NKAIN2: variants seen among roughly 807,000 people sequenced by gnomAD.
The protein encoded by NKAIN2 is sodium/potassium transporting ATPase interacting 2.
Under a neutral mutation model 32.6 loss-of-function variants are expected in NKAIN2, and 14 were observed. The observed-to-expected ratio is 0.43, with a 90% CI of 0.28 to 0.67. NKAIN2 has a LOEUF of 0.67. Among genes scored for constraint, NKAIN2 ranks in the 30% least tolerant of loss-of-function variants. The pLI is 0.17. For synonymous variants in NKAIN2, 80 were observed against 87.2 expected (o/e 0.92, Z 0.46); for missense variants, 198 against 258.3 (o/e 0.77, Z 1.60).
At chr6:124,582,484 G>A (rs1274641826) in intron 3 of NKAIN2, among the ~76,000 whole-genome samples, 1 of 152,048 alleles carries the variant, frequency 6.6e-6, no homozygotes, top group Non-Finnish European at 1.5e-5. Context: ...TCCCAGCAAT[G>A]AAAAGCTCAG....
chr6:124,435,497 C>T (rs529880149), intron 3 of NKAIN2, among the ~76,000 whole-genome samples: 1 of 152,218 alleles, frequency 6.6e-6, no homozygotes, highest in East Asian at 1.9e-4. Flanking sequence ...TCACAACAAT[C>T]CTATGATGCT....
chr6:123,873,384 G>A (rs1319565701), intron 1 of NKAIN2, among the ~76,000 whole-genome samples: 7 of 152,108 alleles, frequency 4.6e-5, no homozygotes, highest in Non-Finnish European at 8.8e-5. Flanking sequence ...GAAAAGATGA[G>A]GTTCAAAGTT....
At chr6:123,845,892 A>G (rs531026622) in intron 1 of NKAIN2, among the ~76,000 whole-genome samples, 1 of 152,204 alleles carries the variant, frequency 6.6e-6, no homozygotes, top group African/African-American at 2.4e-5. Context: ...TCTATTATTC[A>G]TCTAACATAT....
Position 124,742,866 on chromosome 6 carries a change from A to T in NKAIN2, c.475-48473A>T, listed in dbSNP as rs182543839. 4.8e-4 allele frequency among the ~76,000 whole-genome samples: 73 copies of T among 151,984 alleles called. 1 individual carries two copies. Among genetic ancestry groups the T allele is most frequent in the Admixed American group, 3.2e-3 (49 of 15,236 alleles). ...GTTCAGATTTTAAAATCACAGGGCA[A>T]TTACTTTTTGTAAAGATGATGGAGA... is the stretch of plus-strand genomic sequence containing the variant. On this transcript the variant is annotated intron_variant, in intron 4 of 6. Transcript: ENST00000368417.
intron 1 of NKAIN2, among the ~76,000 whole-genome samples, chr6:123,919,827 A>G (rs953406110): frequency 6.6e-6 from 1 of 152,140 alleles, no homozygotes; most frequent in African/African-American, 2.4e-5. Flanking sequence ...TATGTTCTGA[A>G]GCCATGATAT....
At chr6:123,934,371 TATC>T (rs1367170479) in intron 1 of NKAIN2, among the ~76,000 whole-genome samples, 1 of 152,146 alleles carries the variant, frequency 6.6e-6, no homozygotes, top group African/African-American at 2.4e-5. Context: ...GGAATTATGC[TATC>T]ATTTCTCTTA....
chr6:124,725,363 C>G (rs1776223002), intron 4 of NKAIN2, among the ~76,000 whole-genome samples: 1 of 152,120 alleles, frequency 6.6e-6, no homozygotes, highest in Admixed American at 6.6e-5. Flanking sequence ...CTTGGCCTCC[C>G]AAAGCACTGA....
intron 2 of NKAIN2, among the ~76,000 whole-genome samples, chr6:124,348,073 G>A (rs1798523914): frequency 6.6e-6 from 1 of 152,166 alleles, no homozygotes; most frequent in Non-Finnish European, 1.5e-5. Flanking sequence ...CTCAGCTGCA[G>A]GTCTGTTGGA....
At chr6:124,323,781 T>TC (rs200462614) in intron 2 of NKAIN2, among the ~76,000 whole-genome samples, 59 of 144,602 alleles carry the variant, frequency 4.1e-4, no homozygotes, top group Middle Eastern at 3.4e-3. Context: ...CTTTTAATTT[T>TC]TTCTTTTTTT....
chr6:124,123,348 C>T (rs953483089), intron 1 of NKAIN2, among the ~76,000 whole-genome samples: 6 of 151,864 alleles, frequency 4.0e-5, no homozygotes, highest in Non-Finnish European at 5.9e-5. Flanking sequence ...AACATGATTA[C>T]GTGGGTGAGA....
intron 4 of NKAIN2, among the ~76,000 whole-genome samples, chr6:124,774,605 G>A (rs548111810): frequency 9.9e-5 from 15 of 152,104 alleles, no homozygotes; most frequent in African/African-American, 2.2e-4. Flanking sequence ...CCTGTAATTC[G>A]ATCACTTTGG....
chr6:124,371,783 TA>T (rs201342014), intron 3 of NKAIN2, among the ~76,000 whole-genome samples: 2 of 151,244 alleles, frequency 1.3e-5, no homozygotes, highest in African/African-American at 4.9e-5. Flanking sequence ...TTTATAAAGG[TA>T]AAAAAAACAC....
intron 3 of NKAIN2, among the ~76,000 whole-genome samples, chr6:124,631,148 G>GA (rs1424646420): frequency 6.6e-6 from 1 of 152,046 alleles, no homozygotes; most frequent in Non-Finnish European, 1.5e-5. Context: ...TCCATTTCAC[G>GA]AGAGTGTTTA....
chr6:124,450,699 T>G (rs1358160439), intron 3 of NKAIN2, among the ~76,000 whole-genome samples: 1 of 151,946 alleles, frequency 6.6e-6, no homozygotes, highest in African/African-American at 2.4e-5. Flanking sequence ...TTAAATACAG[T>G]GAAAATACTA....
At chr6:124,676,682 C>T (rs1320292156) in intron 4 of NKAIN2, among the ~76,000 whole-genome samples, 1 of 152,088 alleles carries the variant, frequency 6.6e-6, no homozygotes, top group Non-Finnish European at 1.5e-5. Flanking sequence ...TTACTGCAGC[C>T]TCAAAATCGT....
At chr6:124,365,590 G>A (rs937220769) in intron 3 of NKAIN2, among the ~76,000 whole-genome samples, 2 of 151,598 alleles carry the variant, frequency 1.3e-5, no homozygotes, top group African/African-American at 2.4e-5. Context: ...CAATCACAGT[G>A]GGAAACTTTT....
intron 3 of NKAIN2, among the ~76,000 whole-genome samples, chr6:124,604,224 A>C (rs2114986163): frequency 6.6e-6 from 1 of 152,068 alleles, no homozygotes; most frequent in African/African-American, 2.4e-5. Flanking sequence ...CCAAATCCAT[A>C]AGTGAATCAT....
At chr6:123,969,669 A>C (rs1472279810) in intron 1 of NKAIN2, among the ~76,000 whole-genome samples, 1 of 152,220 alleles carries the variant, frequency 6.6e-6, no homozygotes, top group African/African-American at 2.4e-5. Flanking sequence ...TCAGGAAAGC[A>C]AAAGCTTCAA....
Position 124,823,595 on chromosome 6 carries a change from T to C in NKAIN2, c.*366T>C. On this transcript the variant is annotated 3_prime_UTR_variant, in exon 7 of 7. Coordinates refer to ENST00000368417, the MANE Select transcript of NKAIN2 (RefSeq NM_001040214.3). ...TCCTCTGCAGCCCAGCGGGTTGGCC[T>C]CTGTGAGCTGGGAAGTCATCCAAGG... 1 of 222,660 alleles carries C rather than the reference T, an allele frequency of 4.5e-6. No homozygotes were observed. The highest frequency in any genetic ancestry group is 9.0e-6 in the Non-Finnish European group (1 of 111,532). The allele number at this position is 222,660 out of a possible 1,614,324, so 13.8% of individuals were successfully genotyped here. A position where few individuals can be genotyped will look rare whatever the true frequency, so the allele number is the denominator to read the frequency against.
Sources: allele counts gnomAD v4.1 joint callset (sites outside exome capture counted in the v4.1 genomes callset), GRCh38; gene constraint gnomAD v4.1.1; transcripts MANE v1.5; gene names NCBI Gene and HGNC (gene_info 2026-07-23, HGNC 2026-07-21).